The following CGNL1 variants were observed in gnomAD, a reference collection of about 807,000 sequenced individuals.
The protein encoded by CGNL1 is cingulin-like protein 1.
A neutral mutation model predicts 141.2 loss-of-function variants in CGNL1; 132 were observed. The ratio of observed to expected loss-of-function variants is 0.93; its 90% confidence interval spans 0.81 to 1.08. CGNL1 has a LOEUF of 1.08. Ranked by LOEUF, CGNL1 falls within the 50% of genes least tolerant of loss-of-function variation. CGNL1 has a pLI of 0.00. For missense variants in CGNL1, 1,870 were observed against 1,588.6 expected, an observed-to-expected ratio of 1.18 and a Z score of -3.01; for synonymous variants, 690 against 622.1, an observed-to-expected ratio of 1.11 and a Z score of -1.63.
At chr15:57,484,218 T>A (rs1411744693) in intron 8 of CGNL1, among the ~76,000 whole-genome samples, 1 of 152,232 alleles carries the variant, frequency 6.6e-6, no homozygotes, top group African/African-American at 2.4e-5. Context: ...AATTCTCCAC[T>A]GAAACCAGTT....
chr15:57,546,705 G>A (rs776809203), intron 18 of CGNL1, among the ~76,000 whole-genome samples: 23 of 152,312 alleles, frequency 1.5e-4, no homozygotes, highest in South Asian at 1.0e-3. Flanking sequence ...GGATGGGGAC[G>A]TGGAATGCAG....
intron 3 of CGNL1, among the ~76,000 whole-genome samples, chr15:57,441,015 GC>G (rs2063179761): frequency 1.3e-5 from 2 of 149,502 alleles, no homozygotes; most frequent in Admixed American, 1.3e-4. Context: ...TGGAACTTGA[GC>G]AAGGAATTTG....
At chr15:57,381,388 C>T (rs1011802911) in intron 1 of CGNL1, among the ~76,000 whole-genome samples, 2 of 152,014 alleles carry the variant, frequency 1.3e-5, no homozygotes, top group Non-Finnish European at 1.5e-5. Flanking sequence ...GCTGAAATAC[C>T]GCCTCTACAA....
chr15:57,452,270 C>A lies in CGNL1; in HGVS notation c.2035C>A (p.Leu679Ile). The A allele has an allele frequency of 6.2e-7, 1 of 1,613,568 alleles. No homozygotes were observed. The highest frequency in any genetic ancestry group is 2.2e-5 in the East Asian group (1 of 44,818). ...ACGACTGGAAGAAAGTGAAGGGGAG[C>A]TCCGGAAGAATCTGGAGGAGTAAGT... Reference protein sequence around the residue: ...QQRLEESEGELRKNLEELFQV... With the variant: ...QQRLEESEGEIRKNLEELFQV... The change falls in exon 6 of 19, where the codon CTC (leucine) becomes ATC (isoleucine). Residue 679 changes from leucine (L) to isoleucine (I), a missense_variant. Physicochemically the swap from Leu to Ile is conservative, Grantham distance 5. Coordinates refer to ENST00000281282, the MANE Select transcript of CGNL1 (RefSeq NM_032866.5).
At position 57,453,601 on chromosome 15, in the gene CGNL1, C is replaced by A. The variant is rs1398111699; in HGVS notation, c.2055-82C>A. 4 of 1,543,460 alleles carry A rather than the reference C, an allele frequency of 2.6e-6. No homozygotes were observed. The African/African-American group carries it at 4.1e-5, about 16-fold the overall frequency. ...CTTGGGGCTTTAGAGACTTGTGTAA[C>A]CCTCTGAAGATCAGAAATCAGACTG... On this transcript the variant is annotated intron_variant, in intron 6 of 18. Coordinates refer to ENST00000281282, the MANE Select transcript of CGNL1 (RefSeq NM_032866.5).
In CGNL1 at chr15:57,387,084, C is replaced by T. The variant is rs148545861; in HGVS notation, c.-16+10517C>T. ...CTGGACCCGTAGAGCAGTCACTCCA[C>T]GTTCCTCCCTTCCCCCAGCCACTCC... On this transcript the variant is annotated intron_variant, in intron 1 of 18. Coordinates refer to ENST00000281282, the MANE Select transcript of CGNL1 (RefSeq NM_032866.5). 1.7e-3 allele frequency among the ~76,000 whole-genome samples: 256 copies of T among 152,300 alleles called. 1 individual carries two copies. Among genetic ancestry groups the T allele is most frequent in the African/African-American group, 5.9e-3 (246 of 41,556 alleles).
chr15:57,461,773 G>T lies in CGNL1; in HGVS notation c.2284G>T (p.Ala762Ser). 2 of 1,614,134 alleles carry T rather than the reference G, an allele frequency of 1.2e-6. No individual in the cohort carries two copies. The highest frequency in any genetic ancestry group is 1.7e-6 in the Non-Finnish European group (2 of 1,180,008). ...LLRKRERELT[A>S]LKGALKEEVS... ...GAGAAAGCGAGAGCGTGAACTCACC[G>T]CCCTGAAGGGAGCCCTGAAAGAAGA... The change falls in exon 8 of 19, where the codon GCC (alanine) becomes TCC (serine). Residue 762 changes from alanine to serine, a missense_variant. Ala to Ser is a moderately conservative substitution (Grantham distance 99). Coordinates refer to ENST00000281282, the MANE Select transcript of CGNL1 (RefSeq NM_032866.5).
chr15:57,514,076 C>A (rs956414586), intron 8 of CGNL1, among the ~76,000 whole-genome samples: 1 of 152,084 alleles, frequency 6.6e-6, no homozygotes, highest in Non-Finnish European at 1.5e-5. Flanking sequence ...TTGCATTTCC[C>A]TAATGACTAA....
intron 4 of CGNL1, among the ~76,000 whole-genome samples, chr15:57,443,348 G>C (rs374147946): frequency 3.9e-5 from 6 of 152,270 alleles, no homozygotes. Context: ...AAGAGAGTAC[G>C]GCTAAACACT....
At chr15:57,409,257 A>T (rs1335138230) in intron 1 of CGNL1, among the ~76,000 whole-genome samples, 1 of 152,170 alleles carries the variant, frequency 6.6e-6, no homozygotes, top group African/African-American at 2.4e-5. Context: ...GGCGCCATGC[A>T]TTTGGAGACG....
chr15:57,524,118 G>T (rs2031453498), intron 11 of CGNL1, among the ~76,000 whole-genome samples: 1 of 152,178 alleles, frequency 6.6e-6, no homozygotes, highest in South Asian at 2.1e-4. Flanking sequence ...ACGAGTGTCT[G>T]CTGTTTTCTG....
chr15:57,408,057 A>G (rs1459252729), intron 1 of CGNL1, among the ~76,000 whole-genome samples: 1 of 152,072 alleles, frequency 6.6e-6, no homozygotes, highest in Non-Finnish European at 1.5e-5. Context: ...CAGAAAAAAA[A>G]TTATTCTCTT....
intron 8 of CGNL1, among the ~76,000 whole-genome samples, chr15:57,476,526 C>T (rs542060679): frequency 1.1e-4 from 16 of 152,202 alleles, no homozygotes; most frequent in Admixed American, 6.5e-5. Flanking sequence ...TGGATTTAGG[C>T]AAATAGTTGG....
At chr15:57,478,971 T>A (rs2152357237) in intron 8 of CGNL1, among the ~76,000 whole-genome samples, 1 of 152,294 alleles carries the variant, frequency 6.6e-6, no homozygotes, top group Admixed American at 6.5e-5. Flanking sequence ...GTATCTAAAT[T>A]AATCTGTTTA....
chr15:57,545,787 G>C, intron 17 of CGNL1, 87 bp downstream of exon 17: 1 of 1,110,526 alleles, frequency 9.0e-7, no homozygotes, highest in Non-Finnish European at 1.3e-6. Context: ...TCCCTGAGCA[G>C]GAGTGGAGTG....
chr15:57,525,552 C>T (rs1282057341), intron 12 of CGNL1, among the ~76,000 whole-genome samples: 5 of 152,128 alleles, frequency 3.3e-5, no homozygotes, highest in South Asian at 2.1e-4. Context: ...TGTGTAGCAG[C>T]GAGTCTGTAC....
At chr15:57,468,355 C>G (rs2063537424) in intron 8 of CGNL1, among the ~76,000 whole-genome samples, 1 of 151,214 alleles carries the variant, frequency 6.6e-6, no homozygotes, top group South Asian at 2.1e-4. Context: ...ATCCTCCCAC[C>G]TCAGCCTCCC....
rs548721093 is a variant in CGNL1 at position 57,439,305 on chromosome 15, G to A, written c.1306G>A (p.Gly436Arg). 6.2e-7 allele frequency: 1 copy of A among 1,614,094 alleles called. No homozygotes were observed. Among genetic ancestry groups the A allele is most frequent in the Admixed American group, 1.7e-5 (1 of 60,028 alleles). Residue 436 changes from glycine to arginine, a missense_variant, in exon 2 of 19, where the codon GGG becomes AGG. Physicochemically the swap from Gly to Arg is moderately radical, Grantham distance 125 (BLOSUM62 -2). Transcript: ENST00000281282. ...GCGGCCACTGTCTCAGGAGCGCCGT[G>A]GGAAACAGAGCGTGGGCCGCACCTT... ...PQRPLSQERR[G>R]KQSVGRTFAK...
chr15:57,408,198 G>A (rs1256649918), intron 1 of CGNL1, among the ~76,000 whole-genome samples: 1 of 152,008 alleles, frequency 6.6e-6, no homozygotes, highest in Non-Finnish European at 1.5e-5. Context: ...TCTATCCCAC[G>A]AAGCCATTTC....
Sources: gnomAD v4.1 joint callset for allele counts (sites outside exome capture counted in the v4.1 genomes callset) on GRCh38, gnomAD v4.1.1 for gene constraint, MANE v1.5 for transcripts, NCBI Gene and HGNC (gene_info 2026-07-23, HGNC 2026-07-21) for gene names.